The following LRRFIP2 variants were observed in gnomAD, a reference collection of about 807,000 sequenced individuals.
The protein encoded by LRRFIP2 is LRR binding FLII interacting protein 2.
LRRFIP2 carries 109 observed loss-of-function variants against 125.9 expected under a neutral mutation model. The observed-to-expected ratio is 0.87, with a 90% CI of 0.74 to 1.01. The LOEUF is 1.01. Ranked by LOEUF, LRRFIP2 falls within the 50% of genes least tolerant of loss-of-function variation. The pLI is 0.00. For missense variants in LRRFIP2, 850 were observed against 862.3 expected (o/e 0.99, Z 0.18); for synonymous variants, 291 against 293.1 (o/e 0.99, Z 0.07).
At chr3:37,100,244 G>A (rs747371993) in intron 15 of LRRFIP2, among the ~76,000 whole-genome samples, 3 of 152,042 alleles carry the variant, frequency 2.0e-5, no homozygotes, top group Non-Finnish European at 4.4e-5. Flanking sequence ...AAGATCAGTT[G>A]AGCCCAAGAG....
At chr3:37,162,133 G>A (rs2096362659) in intron 1 of LRRFIP2, among the ~76,000 whole-genome samples, 2 of 134,314 alleles carry the variant, frequency 1.5e-5, no homozygotes, top group South Asian at 4.9e-4. Context: ...TCCAGCCTGG[G>A]TGACAAAGTG....
chr3:37,140,826 T>A (rs1323648708), intron 2 of LRRFIP2, among the ~76,000 whole-genome samples: 1 of 152,068 alleles, frequency 6.6e-6, no homozygotes, highest in African/African-American at 2.4e-5. Context: ...CTCTTTTCTA[T>A]CCTCCCTCCA....
chr3:37,072,758 G>A, intron 21 of LRRFIP2, 32 bp downstream of exon 21: 1 of 1,331,308 alleles, frequency 7.5e-7, no homozygotes, highest in Non-Finnish European at 1.1e-6. Context: ...TCATCAATGA[G>A]CTTCTAACCA....
intron 2 of LRRFIP2, chr3:37,143,818 A>G (rs2095786985): frequency 6.3e-6 from 1 of 158,996 alleles, no homozygotes; most frequent in South Asian, 1.8e-4. Context: ...GAAATTTTCC[A>G]CCCTAGTAGT....
Position 37,075,051 on chromosome 3 carries a change from G to A in LRRFIP2, c.1344C>T (p.Gly448=), listed in dbSNP as rs951922966. The part of the protein sequence containing the change: ...LQHKMEELKE[G]LRQRDELIEE... ...CAATAAGCTCATCTCTTTGCCGCAGGCCTTCTTTAAGTTCTTCCATCTTAT... is the reference window on the plus strand; with the variant it reads ...CAATAAGCTCATCTCTTTGCCGCAGACCTTCTTTAAGTTCTTCCATCTTAT... The change falls in exon 20 of 28, where the codon GGC becomes GGT. Residue 448 remains glycine, a synonymous_variant. Transcript: ENST00000336686. 1.2e-6 allele frequency: 2 copies of A among 1,612,542 alleles called. No homozygotes were observed. The highest frequency in any genetic ancestry group is 1.3e-5 in the African/African-American group (1 of 74,950).
intron 1 of LRRFIP2, among the ~76,000 whole-genome samples, chr3:37,161,219 G>T (rs115731824): frequency 6.7e-6 from 1 of 149,692 alleles, no homozygotes; most frequent in Non-Finnish European, 1.5e-5. Context: ...AGCCAGGCAC[G>T]GTGGGACACA....
intron 1 of LRRFIP2, chr3:37,170,287 A>C (rs1187449179): frequency 6.6e-6 from 1 of 152,236 alleles, no homozygotes; most frequent in Non-Finnish European, 1.5e-5. Context: ...CTGCTGTTAA[A>C]TATGGTGACA....
intron 12 of LRRFIP2, 109 bp from the exon 13 acceptor site, chr3:37,108,238 GGT>G (rs2149396772): frequency 1.5e-5 from 12 of 826,664 alleles, no homozygotes; most frequent in Middle Eastern, 4.6e-4. Context: ...TCAAGATAAA[GGT>G]AACTGTTATT....
chr3:37,143,579 A>G, intron 2 of LRRFIP2: 1 of 245,342 alleles, frequency 4.1e-6, no homozygotes, highest in Non-Finnish European at 8.6e-6. Context: ...TGCAGCTTCA[A>G]CATTCAGTGG....
intron 19 of LRRFIP2, among the ~76,000 whole-genome samples, chr3:37,079,843 T>A (rs2092468957): frequency 6.6e-6 from 1 of 152,170 alleles, no homozygotes; most frequent in South Asian, 2.1e-4. Context: ...ATGTATTATA[T>A]GACTCCTTTC....
In LRRFIP2 at chr3:37,148,900, G is replaced by C; in HGVS notation, c.84C>G (p.Ala28=). ...SAEDEALSNI[A]REAEARLAAK... is the part of the protein sequence containing the mutation. ...GGGGATTTACCAAACATACCTCTCTGGCAATGTTACTCAAAGCTTCATCTT... is the reference window on the plus strand; with the variant it reads ...GGGGATTTACCAAACATACCTCTCTCGCAATGTTACTCAAAGCTTCATCTT... Residue 28 remains alanine (A), a synonymous_variant, in exon 2 of 28, where the codon GCC becomes GCG. Coordinates refer to ENST00000336686, the MANE Select transcript of LRRFIP2 (RefSeq NM_006309.4). 1 of 1,614,016 alleles carries C rather than the reference G, an allele frequency of 6.2e-7. No individual in the cohort carries two copies. The highest frequency in any genetic ancestry group is 8.5e-7 in the Non-Finnish European group (1 of 1,179,972).
chr3:37,081,229 A>T (rs2092613837), intron 19 of LRRFIP2, among the ~76,000 whole-genome samples: 2 of 152,198 alleles, frequency 1.3e-5, no homozygotes, highest in Non-Finnish European at 2.9e-5. Context: ...GGAGCAGAGC[A>T]AGACCCTGTC....
At chr3:37,149,400 C>T (rs983807556) in intron 1 of LRRFIP2, among the ~76,000 whole-genome samples, 1 of 151,944 alleles carries the variant, frequency 6.6e-6, no homozygotes, top group Non-Finnish European at 1.5e-5. Flanking sequence ...GTCTGTAATC[C>T]CAGCTACTCT....
chr3:37,123,616 A>G (rs1434629163), intron 4 of LRRFIP2, among the ~76,000 whole-genome samples: 4 of 152,224 alleles, frequency 2.6e-5, no homozygotes, highest in African/African-American at 9.6e-5. Flanking sequence ...GGGCAGGTAC[A>G]GCTTAGTAAG....
chr3:37,172,203 G>T (rs1004451024), intron 1 of LRRFIP2, among the ~76,000 whole-genome samples: 5 of 152,058 alleles, frequency 3.3e-5, no homozygotes, highest in Non-Finnish European at 7.3e-5. Flanking sequence ...ACTAACTAAT[G>T]CAAAGACTTA....
chr3:37,151,949 A>G (rs1457339230), intron 1 of LRRFIP2, among the ~76,000 whole-genome samples: 1 of 152,202 alleles, frequency 6.6e-6, no homozygotes, highest in Non-Finnish European at 1.5e-5. Flanking sequence ...CATTTGATTC[A>G]GCAATCCCAC....
intron 1 of LRRFIP2, among the ~76,000 whole-genome samples, chr3:37,172,447 A>G (rs866145480): frequency 1.3e-5 from 2 of 152,208 alleles, no homozygotes; most frequent in Non-Finnish European, 2.9e-5. Flanking sequence ...GACATATGTG[A>G]TTGAATATGG....
At chr3:37,156,430 T>C (rs569899062) in intron 1 of LRRFIP2, among the ~76,000 whole-genome samples, 2 of 150,732 alleles carry the variant, frequency 1.3e-5, no homozygotes, top group Admixed American at 6.6e-5. Flanking sequence ...TCCCAGCACT[T>C]TGGGAGGCTG....
chr3:37,105,553 A>G, intron 13 of LRRFIP2, 30 bp from the exon 14 acceptor site: 1 of 1,577,702 alleles, frequency 6.3e-7, no homozygotes, highest in Non-Finnish European at 8.7e-7. Flanking sequence ...ATAATGAAAA[A>G]GATGCAATTT....
Sources: allele counts gnomAD v4.1 joint callset (sites outside exome capture counted in the v4.1 genomes callset), GRCh38; gene constraint gnomAD v4.1.1; transcripts MANE v1.5; gene names NCBI Gene and HGNC (gene_info 2026-07-23, HGNC 2026-07-21).